FANCM: variants seen among roughly 807,000 people sequenced by gnomAD.
FANCM encodes the protein FA complementation group M.
Under a neutral mutation model 199.5 loss-of-function variants are expected in FANCM, and 140 were observed. That is an observed-to-expected ratio of 0.70 (90% CI 0.61 to 0.81). FANCM has a LOEUF of 0.81. FANCM is among the 30% of genes least tolerant of loss of function. FANCM has a pLI of 0.00. For synonymous variants in FANCM, 840 were observed against 836.8 expected, an observed-to-expected ratio of 1.00 and a Z score of -0.07; for missense variants, 2,410 against 2,421.4, an observed-to-expected ratio of 1.00 and a Z score of 0.10.
intron 10 of FANCM, among the ~76,000 whole-genome samples, chr14:45,165,517 C>T (rs1887909008): frequency 6.6e-6 from 1 of 152,094 alleles, no homozygotes; most frequent in African/African-American, 2.4e-5. Context: ...CACTGCACTC[C>T]AGCCTGGGTA....
At chr14:45,199,701 A>C (rs185543386) in intron 22 of FANCM, among the ~76,000 whole-genome samples, 169 bp from the exon 23 acceptor site, 103 of 152,332 alleles carry the variant, frequency 6.8e-4, no homozygotes, top group Non-Finnish European at 1.1e-3. Flanking sequence ...TAAGGAAAGG[A>C]AACAAGTAGC....
chr14:45,176,194 T>A lies in FANCM; in HGVS notation c.3440T>A (p.Val1147Glu), dbSNP rs2139248497. 1 of 1,614,126 alleles carries A rather than the reference T, an allele frequency of 6.2e-7. No individual in the cohort carries two copies. Among genetic ancestry groups the A allele is most frequent in the Non-Finnish European group, 8.5e-7 (1 of 1,179,986 alleles). Reference sequence around the variant, plus strand: ...GATGTTAATACAGAGTTCGACGATGTGAGTCTTTCACCCTTGAACAGTAAA... The same window carrying A: ...GATGTTAATACAGAGTTCGACGATGAGAGTCTTTCACCCTTGAACAGTAAA... ...FEDVNTEFDDVSLSPLNSKSE... is the reference protein window; with the variant it reads ...FEDVNTEFDDESLSPLNSKSE... Residue 1147 changes from valine to glutamate, a missense_variant, in exon 14 of 23, where the codon GTG (valine) becomes GAG (glutamate). Transcript: ENST00000267430.
rs772085199 is a variant in FANCM at position 45,183,867 on chromosome 14, G to T, written c.4480G>T (p.Gly1494Cys). The T allele has an allele frequency of 9.9e-6, 16 of 1,611,650 alleles. No homozygotes were observed. The highest frequency in any genetic ancestry group is 1.4e-5 in the Non-Finnish European group (16 of 1,178,348). The part of the protein sequence containing the change: ...FKVCNGNARR[G>C]IKVPKRQSHL... Reference sequence around the variant, plus strand: ...GGTTTGTAACGGGAATGCCAGAAGAGGCATCAAAGTCCCAAAGAGACAGAG... The same window carrying T: ...GGTTTGTAACGGGAATGCCAGAAGATGCATCAAAGTCCCAAAGAGACAGAG... Residue 1494 changes from glycine to cysteine, a missense_variant, in exon 17 of 23, where the codon GGC (glycine) becomes TGC (cysteine). Coordinates refer to ENST00000267430, the MANE Select transcript of FANCM (RefSeq NM_020937.4).
chr14:45,167,289 C>T, intron 11 of FANCM, 126 bp downstream of exon 11: 2 of 698,354 alleles, frequency 2.9e-6, no homozygotes, highest in Admixed American at 2.1e-5. Flanking sequence ...TATAGGCATT[C>T]TCTTTGGAAA....
At chr14:45,170,945 ATTTTC>A (rs1437742293) in intron 12 of FANCM, among the ~76,000 whole-genome samples, 199 bp downstream of exon 12, 1 of 151,850 alleles carries the variant, frequency 6.6e-6, no homozygotes, top group African/African-American at 2.4e-5. Flanking sequence ...AAAACTACTA[ATTTTC>A]TTCTATTATT....
rs1886110968 is a variant in FANCM, at chr14:45,143,307, C to CA, written c.759+2599dup. Among the ~76,000 whole-genome samples the CA allele has an allele frequency of 2.0e-5, 3 of 151,906 alleles. No homozygotes were observed. In the South Asian group the frequency reaches 6.2e-4, roughly 31 times the overall value. ...TCAGCCTCCTGAGGAGCTGGGACTA[C>CA]AGGTGCCTGCCACCACACCCAGCAA... is the stretch of plus-strand genomic sequence containing the variant. On this transcript the variant is annotated intron_variant, in intron 3 of 22. Coordinates refer to ENST00000267430, the MANE Select transcript of FANCM (RefSeq NM_020937.4).
chr14:45,190,924 C>T (rs960582013), intron 20 of FANCM, among the ~76,000 whole-genome samples: 4 of 152,154 alleles, frequency 2.6e-5, no homozygotes, highest in Non-Finnish European at 4.4e-5. Context: ...TGGCTATCCA[C>T]AGGTGTGATC....
intron 20 of FANCM, among the ~76,000 whole-genome samples, chr14:45,192,672 CA>C (rs1179905152): frequency 6.6e-6 from 1 of 151,506 alleles, no homozygotes; most frequent in Non-Finnish European, 1.5e-5. Context: ...ACAAAAGCAA[CA>C]AAAAAATTAG....
intron 2 of FANCM, among the ~76,000 whole-genome samples, chr14:45,139,303 T>A (rs1885747106): frequency 6.6e-6 from 1 of 152,244 alleles, no homozygotes; most frequent in South Asian, 2.1e-4. Flanking sequence ...GCTCGATAAA[T>A]ATTTTTTCAG....
rs541910037 is a variant in FANCM at position 45,185,257 on chromosome 14, C to G, written c.4556C>G (p.Ser1519Cys). 3 of 1,605,486 alleles carry G rather than the reference C, an allele frequency of 1.9e-6. No individual in the cohort carries two copies. Among genetic ancestry groups the G allele is most frequent in the Non-Finnish European group, 2.6e-6 (3 of 1,173,318 alleles). The stretch of plus-strand genomic sequence containing the variant: ...TTTTTAGATGATGAAGCAGAACTTT[C>G]TGAAGAAGATGCAGAATATGTTTCA... ...RKFLDDEAELSEEDAEYVSSD... is the reference protein window; with the variant it reads ...RKFLDDEAELCEEDAEYVSSD... The change falls in exon 18 of 23, where the codon TCT becomes TGT. Residue 1519 changes from serine to cysteine, a missense_variant. Coordinates refer to ENST00000267430, the MANE Select transcript of FANCM (RefSeq NM_020937.4).
chr14:45,164,751 A>C (rs1326809966), intron 10 of FANCM, among the ~76,000 whole-genome samples, 186 bp downstream of exon 10: 1 of 152,080 alleles, frequency 6.6e-6, no homozygotes, highest in Non-Finnish European at 1.5e-5. Context: ...CAGTTTGCTA[A>C]TTTTTATCCA....
chr14:45,167,606 C>T (rs561204931), intron 11 of FANCM, among the ~76,000 whole-genome samples: 22 of 152,244 alleles, frequency 1.4e-4, no homozygotes, highest in African/African-American at 5.3e-4. Context: ...TGTAAGAGGG[C>T]ACCATTTGCT....
At chr14:45,159,954 A>C (rs2139189135) in intron 9 of FANCM, among the ~76,000 whole-genome samples, 2 of 151,020 alleles carry the variant, frequency 1.3e-5, no homozygotes, top group South Asian at 4.2e-4. Context: ...TAATTTTGAC[A>C]GATCCTTTTT....
At chr14:45,155,663 G>T (rs369227106) in intron 8 of FANCM, among the ~76,000 whole-genome samples, 2 of 152,194 alleles carry the variant, frequency 1.3e-5, no homozygotes, top group South Asian at 2.1e-4. Context: ...GCCAGGCATG[G>T]TGGCACATGC....
rs774662653 is a variant in FANCM at position 45,176,992 on chromosome 14, T to TA, written c.4222+17dup. On this transcript the variant is annotated intron_variant, in intron 14 of 22. Transcript: ENST00000267430. ...TCTGTTGAAGGTAAGATTCCATCTT[T>TA]ATAAAGTCTATAACTCTTTCTAGAA... is the stretch of plus-strand genomic sequence containing the variant. 4.9e-5 allele frequency: 70 copies of TA among 1,432,014 alleles called. No individual in the cohort carries two copies. The highest frequency in any genetic ancestry group is 6.6e-5 in the Non-Finnish European group (67 of 1,016,204). The allele number at this position is 1,432,014 out of a possible 1,614,324, so 88.7% of individuals were successfully genotyped here. A position where few individuals can be genotyped will look rare whatever the true frequency, so the allele number is the denominator to read the frequency against.
At chr14:45,188,116 A>G (rs1889521012) in intron 19 of FANCM, among the ~76,000 whole-genome samples, 1 of 152,220 alleles carries the variant, frequency 6.6e-6, no homozygotes, top group Non-Finnish European at 1.5e-5. Context: ...ATGCTGGTAG[A>G]TCACCGGAGG....
At chr14:45,143,716 CA>C (rs1566725362) in intron 3 of FANCM, among the ~76,000 whole-genome samples, 1 of 126,410 alleles carries the variant, frequency 7.9e-6, no homozygotes, top group African/African-American at 3.3e-5. Context: ...TTTTTTGAGA[CA>C]GAGTCTCGCT....
rs1366290638 is a variant in FANCM, at chr14:45,164,355, T to G, written c.1582-4T>G. 6.2e-7 allele frequency: 1 copy of G among 1,608,026 alleles called. No individual in the cohort carries two copies. Among genetic ancestry groups the G allele is most frequent in the South Asian group, 1.1e-5 (1 of 90,902 alleles). ...TAGTTATTTTTCAATTGTTTTTATT[T>G]TAGGTAGTGAAACAGTTTCGTGACG... On this transcript the variant is annotated splice_polypyrimidine_tract_variant and splice_region_variant and intron_variant, in intron 9 of 22. Coordinates refer to ENST00000267430, the MANE Select transcript of FANCM (RefSeq NM_020937.4).
intron 21 of FANCM, 75 bp from the exon 22 acceptor site, chr14:45,198,569 T>TTAG: frequency 1.1e-6 from 1 of 946,368 alleles, no homozygotes. Flanking sequence ...GGGATTTTAA[T>TTAG]AAAATAAAGT....
Sources: allele counts gnomAD v4.1 joint callset (sites outside exome capture counted in the v4.1 genomes callset), GRCh38; gene constraint gnomAD v4.1.1; transcripts MANE v1.5; gene names NCBI Gene and HGNC (gene_info 2026-07-23, HGNC 2026-07-21).